GLT1D1: variants seen among roughly 807,000 people sequenced by gnomAD.
GLT1D1 encodes glycosyltransferase 1 domain-containing protein 1.
Under a neutral mutation model 28.7 loss-of-function variants are expected in GLT1D1, and 21 were observed. The ratio of observed to expected loss-of-function variants is 0.73; its 90% confidence interval spans 0.52 to 1.05. GLT1D1 has a LOEUF of 1.05. GLT1D1 is among the 50% of genes least tolerant of loss of function. GLT1D1 has a pLI of 0.00. For synonymous variants in GLT1D1, 147 were observed against 124.8 expected, an observed-to-expected ratio of 1.18 and a Z score of -1.19; for missense variants, 343 against 330.6, an observed-to-expected ratio of 1.04 and a Z score of -0.29.
chr12:128,924,605 C>T (rs893220929), intron 4 of GLT1D1, among the ~76,000 whole-genome samples: 5 of 151,748 alleles, frequency 3.3e-5, no homozygotes, highest in Admixed American at 6.6e-5. Context: ...TACAGGCCCC[C>T]GCCACCACGC....
chr12:128,935,383 A>T (rs896973405), intron 4 of GLT1D1, among the ~76,000 whole-genome samples: 4 of 152,016 alleles, frequency 2.6e-5, no homozygotes, highest in African/African-American at 9.7e-5. Context: ...CTCTACTAAA[A>T]TCACAAAATT....
intron 4 of GLT1D1, among the ~76,000 whole-genome samples, chr12:128,927,999 C>CAAAAAAAAAAAAAA (rs938188484): frequency 1.7e-4 from 7 of 42,250 alleles, no homozygotes; most frequent in South Asian, 1.9e-3. Flanking sequence ...GACTCTGTCT[C>CAAAAAAAAAAAAAA]AAAAAAAAAA....
chr12:128,963,410 G>T (rs1465645162), intron 7 of GLT1D1, among the ~76,000 whole-genome samples: 1 of 152,160 alleles, frequency 6.6e-6, no homozygotes. Flanking sequence ...ACTTTGGGAG[G>T]CCGAGGTGGG....
intron 4 of GLT1D1, among the ~76,000 whole-genome samples, chr12:128,905,402 C>A (rs1209818639): frequency 1.3e-5 from 2 of 152,182 alleles, no homozygotes; most frequent in African/African-American, 4.8e-5. Flanking sequence ...CTTACTCACA[C>A]GATATCTGAT....
In GLT1D1 at chr12:128,963,759, C is replaced by T. The variant is rs180708741; in HGVS notation, c.639+6116C>T. Among the ~76,000 whole-genome samples, 26 of 152,308 alleles carry T rather than the reference C, an allele frequency of 1.7e-4. No individual in the cohort carries two copies. In the East Asian group the frequency reaches 2.9e-3, roughly 17 times the overall value. The stretch of plus-strand genomic sequence containing the variant: ...GCTTTTATGGAGTTCTTACTATGTG[C>T]CCAGCACGGAGCCAGGTCCTGAAGG... On this transcript the variant is annotated intron_variant, in intron 7 of 7. Coordinates refer to ENST00000281703, the MANE Select transcript of GLT1D1 (RefSeq NM_144669.3).
chr12:128,897,037 T>A (rs1439412431), intron 3 of GLT1D1, among the ~76,000 whole-genome samples: 2 of 152,216 alleles, frequency 1.3e-5, no homozygotes, highest in Non-Finnish European at 2.9e-5. Context: ...AGTGGGTGTA[T>A]GTTTTCATTT....
At chr12:128,896,995 T>A (rs1869724689) in intron 3 of GLT1D1, among the ~76,000 whole-genome samples, 1 of 152,234 alleles carries the variant, frequency 6.6e-6, no homozygotes, top group Non-Finnish European at 1.5e-5. Flanking sequence ...CAAATTTCTC[T>A]TCAGAAAGAA....
At chr12:128,884,961 C>T (rs1275612323) in intron 2 of GLT1D1, among the ~76,000 whole-genome samples, 1 of 147,248 alleles carries the variant, frequency 6.8e-6, no homozygotes, top group Non-Finnish European at 1.5e-5. Flanking sequence ...TGCTGTGTTT[C>T]CCAGGCTGGT....
At chr12:128,874,124 C>CTCTCCCTTTCTTTCTTTCTTTCTTTCTT (rs1956807030) in intron 1 of GLT1D1, among the ~76,000 whole-genome samples, 1 of 39,232 alleles carries the variant, frequency 2.5e-5, no homozygotes, top group Admixed American at 3.9e-4. Flanking sequence ...CTCTCTCTCT[C>CTCTCCCTTTCTTTCTTTCTTTCTTTCTT]TCTTTCTTTC....
At chr12:128,872,998 G>C (rs1208944061) in intron 1 of GLT1D1, among the ~76,000 whole-genome samples, 1 of 151,872 alleles carries the variant, frequency 6.6e-6, no homozygotes, top group Non-Finnish European at 1.5e-5. Context: ...TGGACTCATC[G>C]ATCCTCCCAT....
At chr12:128,973,635 C>T (rs899371060) in intron 7 of GLT1D1, among the ~76,000 whole-genome samples, 7 of 152,042 alleles carry the variant, frequency 4.6e-5, no homozygotes, top group African/African-American at 1.2e-4. Context: ...GAAGGTCTCC[C>T]GGTCCCCCTC....
chr12:128,864,212 C>A, intron 1 of GLT1D1: 1 of 646,678 alleles, frequency 1.5e-6, no homozygotes, highest in Non-Finnish European at 2.8e-6. Flanking sequence ...CAGTTGCAAC[C>A]CACGGGCACT....
chr12:128,978,357 CTGA>C (rs1879989640), intron 7 of GLT1D1, among the ~76,000 whole-genome samples: 1 of 152,148 alleles, frequency 6.6e-6, no homozygotes, highest in East Asian at 1.9e-4. Flanking sequence ...AGAGCCATGG[CTGA>C]TGTCCGGCAT....
intron 1 of GLT1D1, among the ~76,000 whole-genome samples, chr12:128,867,615 T>C (rs1246198803): frequency 6.6e-6 from 1 of 152,064 alleles, no homozygotes; most frequent in Admixed American, 6.6e-5. Flanking sequence ...AGATCTCCAC[T>C]TACCCTCTGC....
intron 4 of GLT1D1, among the ~76,000 whole-genome samples, chr12:128,908,911 T>G (rs1296963974): frequency 6.6e-6 from 1 of 152,192 alleles, no homozygotes; most frequent in Admixed American, 6.6e-5. Flanking sequence ...ATCGCGCCCC[T>G]GCACTCCAGC....
intron 3 of GLT1D1, among the ~76,000 whole-genome samples, chr12:128,893,159 C>T (rs1206539363): frequency 6.6e-6 from 1 of 152,070 alleles, no homozygotes; most frequent in African/African-American, 2.4e-5. Flanking sequence ...GCAAGAGAAT[C>T]GCTTGAACCT....
At chr12:128,923,514 A>G (rs568875235) in intron 4 of GLT1D1, among the ~76,000 whole-genome samples, 23 of 147,550 alleles carry the variant, frequency 1.6e-4, no homozygotes, top group African/African-American at 5.5e-4. Flanking sequence ...TGGATCCCTC[A>G]CTTTTTTTCT....
At chr12:128,873,360 T>C (rs532645905) in intron 1 of GLT1D1, among the ~76,000 whole-genome samples, 16 of 152,340 alleles carry the variant, frequency 1.1e-4, no homozygotes, top group Middle Eastern at 6.8e-3. Flanking sequence ...TAGTGATCTA[T>C]TGCATTCTTT....
intron 6 of GLT1D1, among the ~76,000 whole-genome samples, chr12:128,947,886 T>C (rs1247104375): frequency 2.0e-5 from 3 of 152,182 alleles, no homozygotes; most frequent in Non-Finnish European, 4.4e-5. Flanking sequence ...GGCTGGACTT[T>C]GCAGGTGGCA....
Sources: allele counts gnomAD v4.1 joint callset (sites outside exome capture counted in the v4.1 genomes callset), GRCh38; gene constraint gnomAD v4.1.1; transcripts MANE v1.5; gene names NCBI Gene and HGNC (gene_info 2026-07-23, HGNC 2026-07-21).